SLC39A11: variants seen among roughly 807,000 people sequenced by gnomAD.
The protein encoded by SLC39A11 is solute carrier family 39 member 11.
In SLC39A11, 33 loss-of-function variants were observed where a neutral mutation model predicts 36.1. The ratio of observed to expected loss-of-function variants is 0.91; its 90% CI spans 0.69 to 1.22. SLC39A11 has a LOEUF of 1.22. Among genes scored for constraint, SLC39A11 ranks in the 50% most tolerant of loss-of-function variants. SLC39A11 has a pLI of 0.00. For missense variants in SLC39A11, 432 were observed against 430.3 expected (o/e 1.00, Z -0.03); for synonymous variants, 166 against 170.3 (o/e 0.97, Z 0.20).
intron 4 of SLC39A11, among the ~76,000 whole-genome samples, chr17:72,989,490 T>C (rs1022622407): frequency 2.6e-5 from 4 of 152,246 alleles, no homozygotes; most frequent in African/African-American, 9.6e-5. Context: ...AGGATATGTC[T>C]TAAAGACATA....
intron 6 of SLC39A11, among the ~76,000 whole-genome samples, chr17:72,756,636 T>C (rs2144450040): frequency 6.6e-6 from 1 of 152,324 alleles, no homozygotes; most frequent in Non-Finnish European, 1.5e-5. Context: ...GAAGTGGGCA[T>C]GTGGATACTG....
At chr17:72,700,032 G>A (rs972282077) in intron 7 of SLC39A11, among the ~76,000 whole-genome samples, 4 of 152,096 alleles carry the variant, frequency 2.6e-5, no homozygotes, top group Non-Finnish European at 5.9e-5. Context: ...TAGATCAGGG[G>A]TTTCTGCAAG....
At chr17:73,058,299 T>C (rs983239087) in intron 3 of SLC39A11, among the ~76,000 whole-genome samples, 2 of 152,156 alleles carry the variant, frequency 1.3e-5, no homozygotes, top group Non-Finnish European at 2.9e-5. Context: ...TTTAACCCCC[T>C]TGCTAGAATG....
chr17:72,966,602 C>T (rs959154995), intron 4 of SLC39A11, among the ~76,000 whole-genome samples: 6 of 152,016 alleles, frequency 3.9e-5, no homozygotes. Flanking sequence ...CGGAGGCTCG[C>T]TCTGTCGCCC....
At chr17:72,743,881 T>C (rs2074821317) in intron 6 of SLC39A11, among the ~76,000 whole-genome samples, 1 of 152,138 alleles carries the variant, frequency 6.6e-6, no homozygotes, top group South Asian at 2.1e-4. Context: ...TGCCATTAGC[T>C]CAGGGAAAAT....
At chr17:72,857,406 C>T (rs2079702487) in intron 5 of SLC39A11, among the ~76,000 whole-genome samples, 1 of 152,096 alleles carries the variant, frequency 6.6e-6, no homozygotes, top group African/African-American at 2.4e-5. Context: ...AGGTTGATTC[C>T]ATGTCCTTGC....
rs578177485 is a variant in SLC39A11, at chr17:72,669,555, C to T, written c.672-20287G>A. Among the ~76,000 whole-genome samples, 14 of 152,272 alleles carry T rather than the reference C, an allele frequency of 9.2e-5. No homozygotes were observed. In the East Asian group the frequency reaches 2.7e-3, roughly 29 times the overall value. On this transcript the variant is annotated intron_variant, in intron 7 of 9. Coordinates refer to ENST00000255559, the MANE Select transcript of SLC39A11 (RefSeq NM_139177.4). ...CCAGAAGTGATATGTCCACATCAGT[C>T]AGAGGGCACAGGAAAACTCGATGTG...
intron 3 of SLC39A11, among the ~76,000 whole-genome samples, chr17:73,047,982 AAAAAAAAAATAT>A (rs1568185212): frequency 4.0e-5 from 2 of 50,484 alleles, no homozygotes; most frequent in South Asian, 6.9e-4. Context: ...AAAAAAAAAA[AAAAAAAAAATAT>A]ATATATATAT....
chr17:73,025,430 C>T (rs1240797390), intron 4 of SLC39A11, among the ~76,000 whole-genome samples: 2 of 152,188 alleles, frequency 1.3e-5, no homozygotes, highest in Non-Finnish European at 2.9e-5. Flanking sequence ...TTTCAGAAAA[C>T]ATGAAACAAA....
At chr17:72,742,500 G>A (rs145403324) in intron 6 of SLC39A11, among the ~76,000 whole-genome samples, 5 of 152,208 alleles carry the variant, frequency 3.3e-5, no homozygotes, top group African/African-American at 4.8e-5. Context: ...CATCAGTAAC[G>A]GTGGGTCTGC....
At chr17:72,865,122 T>A (rs948624327) in intron 5 of SLC39A11, among the ~76,000 whole-genome samples, 1 of 152,088 alleles carries the variant, frequency 6.6e-6, no homozygotes, top group Non-Finnish European at 1.5e-5. Flanking sequence ...AAATCATTAA[T>A]GATGAGAAAC....
At chr17:72,965,682 C>G (rs1032599976) in intron 4 of SLC39A11, among the ~76,000 whole-genome samples, 1 of 152,168 alleles carries the variant, frequency 6.6e-6, no homozygotes, top group African/African-American at 2.4e-5. Context: ...GATGTAATCC[C>G]ACTGTAAGTC....
chr17:72,786,145 C>CT (rs1295614898), intron 6 of SLC39A11, among the ~76,000 whole-genome samples: 1 of 152,172 alleles, frequency 6.6e-6, no homozygotes, highest in East Asian at 1.9e-4. Flanking sequence ...TAGCAATTGA[C>CT]TGCATGGGAA....
At chr17:72,873,051 T>C (rs2080723562) in intron 5 of SLC39A11, among the ~76,000 whole-genome samples, 2 of 130,036 alleles carry the variant, frequency 1.5e-5, no homozygotes, top group South Asian at 4.7e-4. Flanking sequence ...CAAGACTCCA[T>C]CTCAAAAAAA....
At position 72,913,040 on chromosome 17, in the gene SLC39A11, A is replaced by G. The variant is rs557945454; in HGVS notation, c.430+34712T>C. On this transcript the variant is annotated intron_variant, in intron 5 of 9. Coordinates refer to ENST00000255559, the MANE Select transcript of SLC39A11 (RefSeq NM_139177.4). ...TTAAAGTAGGAATAAAACAATCCTG[A>G]TGTTTCCAGCAATTTCTAAAAAGTC... Among the ~76,000 whole-genome samples, 6 of 152,228 alleles carry G rather than the reference A, an allele frequency of 3.9e-5. No homozygotes were observed. The South Asian group carries it at 8.3e-4, about 21-fold the overall frequency.
rs74977278 is a variant in SLC39A11 at position 73,064,750 on chromosome 17, T to G, written c.147+20058A>C. 3.0e-3 allele frequency among the ~76,000 whole-genome samples: 455 copies of G among 152,242 alleles called. 1 individual carries two copies. Among genetic ancestry groups the G allele is most frequent in the Non-Finnish European group, 4.8e-3 (327 of 67,994 alleles). ...AGTGGAATGAGGCCAAGAAAACTCC[T>G]TGATCCATCCGGCATCCAACCCTGT... On this transcript the variant is annotated intron_variant, in intron 3 of 9. Coordinates refer to ENST00000255559, the MANE Select transcript of SLC39A11 (RefSeq NM_139177.4).
chr17:72,936,340 C>T lies in SLC39A11; in HGVS notation c.430+11412G>A, dbSNP rs921281686. ...GCTTATACTAATGAACTAATGAATC[C>T]TGGCATCCTTGTTTTGGTGAGACCA... On this transcript the variant is annotated intron_variant, in intron 5 of 9. Coordinates refer to ENST00000255559, the MANE Select transcript of SLC39A11 (RefSeq NM_139177.4). 2.1e-5 allele frequency among the ~76,000 whole-genome samples: 3 copies of T among 144,708 alleles called. No individual in the cohort carries two copies. The Admixed American group carries it at 2.2e-4, about 10-fold the overall frequency. 94.9% of individuals were successfully genotyped at this position (144,708 alleles called of 152,430 possible).
chr17:72,830,544 A>G (rs1208204197), intron 6 of SLC39A11, among the ~76,000 whole-genome samples: 3 of 152,200 alleles, frequency 2.0e-5, no homozygotes, highest in Non-Finnish European at 2.9e-5. Flanking sequence ...AAACAAGGGA[A>G]TTTGTGGCTT....
intron 7 of SLC39A11, among the ~76,000 whole-genome samples, chr17:72,660,192 T>C (rs550705000): frequency 2.9e-4 from 44 of 152,310 alleles, no homozygotes; most frequent in African/African-American, 9.1e-4. Flanking sequence ...CCAGGAGCTG[T>C]GCACAGCACT....
Sources: allele counts gnomAD v4.1 joint callset (sites outside exome capture counted in the v4.1 genomes callset), GRCh38; gene constraint gnomAD v4.1.1; transcripts MANE v1.5; gene names NCBI Gene and HGNC (gene_info 2026-07-23, HGNC 2026-07-21).